The following ANO2 variants were observed in gnomAD, a reference collection of about 807,000 sequenced individuals.
ANO2 encodes anoctamin-2.
ANO2 carries 101 observed loss-of-function variants against 124.2 expected under a neutral mutation model. The ratio of observed to expected loss-of-function variants is 0.81; its 90% CI spans 0.69 to 0.96. The LOEUF is 0.96. ANO2 is among the 40% of genes least tolerant of loss of function. ANO2 has a pLI of 0.00. For synonymous variants in ANO2, 486 were observed against 482.5 expected (o/e 1.01, Z -0.09); for missense variants, 1,293 against 1,274.5 (o/e 1.01, Z -0.22).
At chr12:5,929,233 C>G (rs1166536334) in intron 1 of ANO2, among the ~76,000 whole-genome samples, 123 of 138,750 alleles carry the variant, frequency 8.9e-4, no homozygotes, top group African/African-American at 3.5e-3. Context: ...TAGTCACTTT[C>G]TTACCAGTCT....
In ANO2 at chr12:5,658,671, A is replaced by T. The variant is rs1036414610; in HGVS notation, c.1546-10870T>A. On this transcript the variant is annotated intron_variant, in intron 14 of 24. Coordinates refer to ENST00000682330, the MANE Select transcript of ANO2 (RefSeq NM_001364791.2). The surrounding 1 kb of genome is among the most constrained non-coding windows in gnomAD (Gnocchi z 4.3). The stretch of plus-strand genomic sequence containing the variant: ...CAATATCATCATCATCATCATCAAC[A>T]TCATTATCATCATTAAATCATCATC... Among the ~76,000 whole-genome samples the T allele has an allele frequency of 6.6e-6, 1 of 151,992 alleles. No individual in the cohort carries two copies. The highest frequency in any genetic ancestry group is 6.5e-5 in the Admixed American group (1 of 15,284).
At chr12:5,936,746 T>C (rs1942668911) in intron 1 of ANO2, among the ~76,000 whole-genome samples, 1 of 152,246 alleles carries the variant, frequency 6.6e-6, no homozygotes, top group Non-Finnish European at 1.5e-5. Context: ...TGTTGTCTTC[T>C]AGTTTTATCA....
chr12:5,647,164 C>T (rs1946681068), intron 15 of ANO2, among the ~76,000 whole-genome samples: 2 of 152,176 alleles, frequency 1.3e-5, no homozygotes, highest in Admixed American at 1.3e-4. Context: ...TGCTGTCTTG[C>T]CCATGCTGGC....
intron 9 of ANO2, among the ~76,000 whole-genome samples, chr12:5,802,287 T>C (rs1361379211): frequency 6.6e-6 from 1 of 152,112 alleles, no homozygotes; most frequent in Non-Finnish European, 1.5e-5. Context: ...TGGATATAGA[T>C]GAGGAGGAGC....
intron 23 of ANO2, among the ~76,000 whole-genome samples, chr12:5,575,273 A>G (rs1028008512): frequency 6.6e-6 from 1 of 152,232 alleles, no homozygotes; most frequent in African/African-American, 2.4e-5. Context: ...CTTGATGGTG[A>G]GGACAAGGCT....
chr12:5,646,391 A>T (rs139241936), intron 15 of ANO2, among the ~76,000 whole-genome samples: 107 of 152,304 alleles, frequency 7.0e-4, no homozygotes, highest in African/African-American at 2.4e-3. Flanking sequence ...GGGATGTTAC[A>T]AATATCCTAA....
At chr12:5,869,401 T>C (rs555937512) in intron 3 of ANO2, among the ~76,000 whole-genome samples, 1 of 152,278 alleles carries the variant, frequency 6.6e-6, no homozygotes, top group African/African-American at 2.4e-5. Flanking sequence ...CCAGGCCCTG[T>C]GACTCACTGT....
rs555647485 is a variant in ANO2 at position 5,731,621 on chromosome 12, G to A, written c.1545+899C>T. On this transcript the variant is annotated intron_variant, in intron 14 of 24. Coordinates refer to ENST00000682330, the MANE Select transcript of ANO2 (RefSeq NM_001364791.2). Reference sequence around the variant, plus strand: ...TCTCTCTCTCTCCCCACCCCTCCTCGCTTTCAAAGACAGGTGGCACACAGA... The same window carrying A: ...TCTCTCTCTCTCCCCACCCCTCCTCACTTTCAAAGACAGGTGGCACACAGA... Among the ~76,000 whole-genome samples the A allele has an allele frequency of 9.4e-4, 141 of 150,202 alleles. 1 individual carries two copies. Among genetic ancestry groups the A allele is most frequent in the African/African-American group, 3.1e-3 (128 of 40,866 alleles).
chr12:5,806,062 T>C lies in ANO2; in HGVS notation c.980A>G (p.Asn327Ser). The change falls in exon 9 of 25, where the codon AAT (asparagine) becomes AGT (serine). Residue 327 changes from asparagine (N) to serine (S), a missense_variant. Coordinates refer to ENST00000682330, the MANE Select transcript of ANO2 (RefSeq NM_001364791.2). Reference protein sequence around the residue: ...GEYDSPEDDMNDRKLLYQEWA... With the variant: ...GEYDSPEDDMSDRKLLYQEWA... ...ACGAGGCAGGCTTACCTTCCTGTCA[T>C]TCATATCGTCCTCTGGACTATCGTA... The C allele has an allele frequency of 6.2e-7, 1 of 1,613,804 alleles. No homozygotes were observed.
At chr12:5,857,772 T>TGATGATA (rs372644812) in intron 3 of ANO2, among the ~76,000 whole-genome samples, 1 of 148,290 alleles carries the variant, frequency 6.7e-6, no homozygotes, top group Non-Finnish European at 1.5e-5. Flanking sequence ...AAAAGAAATG[T>TGATGATA]GATAGATAGA....
At position 5,927,297 on chromosome 12, in the gene ANO2, G is replaced by C. The variant is rs11833494; in HGVS notation, c.23-4493C>G. ...GTTTCATATCAGTGGCCTCAGGTGA[G>C]ACCTCTGTCCCTTCTCATTGGAGCC... On this transcript the variant is annotated intron_variant, in intron 1 of 24. Transcript: ENST00000682330. Among the ~76,000 whole-genome samples, 352 of 152,308 alleles carry C rather than the reference G, an allele frequency of 2.3e-3. 2 individuals are homozygous for C. The highest frequency in any genetic ancestry group is 8.2e-3 in the African/African-American group (339 of 41,568).
At chr12:5,644,935 T>C (rs528763308) in intron 15 of ANO2, among the ~76,000 whole-genome samples, 68 of 152,244 alleles carry the variant, frequency 4.5e-4, no homozygotes, top group Non-Finnish European at 9.0e-4. Flanking sequence ...TAAGTCCAGG[T>C]GTCTTTCCAT....
rs553656297 is a variant in ANO2 at position 5,658,379 on chromosome 12, A to G, written c.1546-10578T>C. 5.9e-5 allele frequency among the ~76,000 whole-genome samples: 9 copies of G among 152,320 alleles called. No individual in the cohort carries two copies. Among genetic ancestry groups the G allele is most frequent in the Non-Finnish European group, 8.8e-5 (6 of 68,030 alleles). On this transcript the variant is annotated intron_variant, in intron 14 of 24. Coordinates refer to ENST00000682330, the MANE Select transcript of ANO2 (RefSeq NM_001364791.2). This position sits in a 1 kb window ranked among gnomAD's most constrained non-coding sequence, Gnocchi z 4.3. ...CCAATACTTGTTGCCTATCATCATC[A>G]TCATCAACAACATCATCATCGTCAT...
intron 7 of ANO2, among the ~76,000 whole-genome samples, chr12:5,824,096 C>A (rs1195947441): frequency 6.6e-6 from 1 of 152,164 alleles, no homozygotes; most frequent in Non-Finnish European, 1.5e-5. Flanking sequence ...TCCTGGGCCT[C>A]TGGGTCTGTG....
chr12:5,873,515 G>A (rs1185477235), intron 3 of ANO2, among the ~76,000 whole-genome samples: 3 of 152,200 alleles, frequency 2.0e-5, no homozygotes, highest in African/African-American at 7.2e-5. Flanking sequence ...TTGGGCTGGG[G>A]CCCATCCAGC....
chr12:5,887,418 T>C (rs1171272087), intron 3 of ANO2, among the ~76,000 whole-genome samples: 2 of 152,204 alleles, frequency 1.3e-5, no homozygotes, highest in African/African-American at 4.8e-5. Flanking sequence ...AGCCCAGCCC[T>C]GGGGATAAAC....
chr12:5,872,901 C>A (rs1937795885), intron 3 of ANO2, among the ~76,000 whole-genome samples: 1 of 152,142 alleles, frequency 6.6e-6, no homozygotes, highest in African/African-American at 2.4e-5. Context: ...TTTCATGGGA[C>A]CATTGTGAAG....
At chr12:5,889,626 C>G (rs1357446905) in intron 3 of ANO2, among the ~76,000 whole-genome samples, 1 of 152,260 alleles carries the variant, frequency 6.6e-6, no homozygotes, top group Non-Finnish European at 1.5e-5. Flanking sequence ...TCTCTTGGAG[C>G]CAGGACTGGG....
chr12:5,577,219 A>G (rs1277909081), intron 22 of ANO2, among the ~76,000 whole-genome samples: 1 of 152,218 alleles, frequency 6.6e-6, no homozygotes, highest in Non-Finnish European at 1.5e-5. Context: ...CACACCTTCC[A>G]GCCATTTTAT....
Sources: gnomAD v4.1 joint callset for allele counts (sites outside exome capture counted in the v4.1 genomes callset) on GRCh38, gnomAD v4.1.1 for gene constraint, Gnocchi (gnomAD v3.1) non-coding constraint, MANE v1.5 for transcripts, NCBI Gene and HGNC (gene_info 2026-07-23, HGNC 2026-07-21) for gene names.